Variants in C12orf60 observed in about 807,000 individuals in gnomAD.
The protein encoded by C12orf60 is uncharacterized protein C12orf60.
For missense variants in C12orf60, 284 were observed against 283.2 expected (o/e 1.00, Z -0.02); for synonymous variants, 102 against 94.6 (o/e 1.08, Z -0.45).
At chr12:14,820,354 C>A (rs763523558) in intron 1 of C12orf60, among the ~76,000 whole-genome samples, 35 of 151,782 alleles carry the variant, frequency 2.3e-4, no homozygotes, top group Middle Eastern at 3.4e-3. Flanking sequence ...TCACTGATTT[C>A]TACTCTTTAT....
At position 14,822,947 on chromosome 12, in the gene C12orf60, G is replaced by T; in HGVS notation, c.12G>T (p.Glu4Asp). The T allele has an allele frequency of 6.3e-7, 1 of 1,575,068 alleles. No individual in the cohort carries two copies. Among genetic ancestry groups the T allele is most frequent in the Non-Finnish European group, 8.6e-7 (1 of 1,158,292 alleles). ...TATTTGTTGGAGAAATGTCTTCAGA[G>T]TCAGAAAAGGATAAAGAGAGACTGA... MSSESEKDKERLIQ... is the reference protein window; with the variant it reads MSSDSEKDKERLIQ... The change falls in exon 2 of 2, where the codon GAG becomes GAT. Residue 4 changes from glutamate to aspartate, a missense_variant. By Grantham distance (45) the Glu-to-Asp change is conservative (BLOSUM62 2). Transcript: ENST00000330828.
chr12:14,807,570 G>A (rs1950072898), intron 1 of C12orf60, among the ~76,000 whole-genome samples: 1 of 152,156 alleles, frequency 6.6e-6, no homozygotes, highest in Non-Finnish European at 1.5e-5. Flanking sequence ...CTACAGGCAA[G>A]TTATTTGTTT....
Position 14,823,695 on chromosome 12 carries a change from T to A in C12orf60, c.*22T>A. ...GTAGGGATGCAACAGAAATGTTCAT[T>A]TCTGTCAGAAAACTACTTAAAATCT... On this transcript the variant is annotated 3_prime_UTR_variant, in exon 2 of 2. Coordinates refer to ENST00000330828, the MANE Select transcript of C12orf60 (RefSeq NM_175874.4). 1.3e-6 allele frequency: 2 copies of A among 1,516,702 alleles called. No homozygotes were observed. Among genetic ancestry groups the A allele is most frequent in the Non-Finnish European group, 1.8e-6 (2 of 1,137,174 alleles). 94.0% of individuals were successfully genotyped at this position (1,516,702 alleles called of 1,614,324 possible). A position where few individuals can be genotyped will look rare whatever the true frequency, so the allele number is the denominator to read the frequency against.
chr12:14,807,117 C>T (rs1246335500), intron 1 of C12orf60, among the ~76,000 whole-genome samples: 1 of 152,214 alleles, frequency 6.6e-6, no homozygotes, highest in Non-Finnish European at 1.5e-5. Flanking sequence ...CAGGCGTGAG[C>T]CACTGTGCCC....
chr12:14,803,743 G>A lies in C12orf60; in HGVS notation c.-33G>A, dbSNP rs971499519. 1.6e-5 allele frequency: 6 copies of A among 367,168 alleles called. No individual in the cohort carries two copies. Among genetic ancestry groups the A allele is most frequent in the Non-Finnish European group, 2.4e-5 (5 of 206,790 alleles). The allele number at this position is 367,168 out of a possible 1,614,324, so 22.7% of individuals were successfully genotyped here. A position where few individuals can be genotyped will look rare whatever the true frequency, so the allele number is the denominator to read the frequency against. On this transcript the variant is annotated 5_prime_UTR_variant, in exon 1 of 2. Transcript: ENST00000330828. ...TTGGAGGCATCTTGACTTAGTTGCT[G>A]GGAGCCTGGTACGTTGAGCCGTCCG... is the stretch of plus-strand genomic sequence containing the variant.
chr12:14,806,230 C>T, intron 1 of C12orf60: 1 of 1,614,200 alleles, frequency 6.2e-7, no homozygotes, highest in Non-Finnish European at 8.5e-7. Context: ...TGAGCTAACA[C>T]AGTGACCAAC....
intron 1 of C12orf60, among the ~76,000 whole-genome samples, chr12:14,809,993 C>T (rs753519722): frequency 6.6e-6 from 1 of 152,210 alleles, no homozygotes; most frequent in Admixed American, 6.5e-5. Flanking sequence ...TAGTCTTGCT[C>T]TTGCACTTGC....
At chr12:14,822,764 G>A (rs1950325670) in intron 1 of C12orf60, 148 bp from the exon 2 acceptor site, 3 of 599,856 alleles carry the variant, frequency 5.0e-6, no homozygotes, top group Admixed American at 7.2e-5. Context: ...TTTTATTGAA[G>A]CATAGTACCA....
intron 1 of C12orf60, among the ~76,000 whole-genome samples, chr12:14,809,434 A>G (rs1225229948): frequency 6.6e-6 from 1 of 152,192 alleles, no homozygotes; most frequent in Non-Finnish European, 1.5e-5. Context: ...AATAGTAAAC[A>G]GTATGGTACA....
intron 1 of C12orf60, chr12:14,806,040 G>A: frequency 1.1e-5 from 18 of 1,614,080 alleles, no homozygotes; most frequent in Non-Finnish European, 1.5e-5. Context: ...GATGACCTCA[G>A]TAATGGCATG....
At chr12:14,814,970 A>G (rs867175565) in intron 1 of C12orf60, among the ~76,000 whole-genome samples, 1 of 152,222 alleles carries the variant, frequency 6.6e-6, no homozygotes, top group African/African-American at 2.4e-5. Context: ...GAGTTTTCCC[A>G]TTGGTGTAAT....
chr12:14,818,830 T>C (rs952756478), intron 1 of C12orf60, among the ~76,000 whole-genome samples: 1 of 152,188 alleles, frequency 6.6e-6, no homozygotes, highest in Non-Finnish European at 1.5e-5. Context: ...GTGGGTCTTT[T>C]TCTAGACTTC....
rs764421551 is a variant in C12orf60 at position 14,806,478 on chromosome 12, A to G, written c.-25+2727A>G. On this transcript the variant is annotated intron_variant, in intron 1 of 1. Transcript: ENST00000330828. Reference sequence around the variant, plus strand: ...GATTTTCATAATGGCTTGGATGATGAGGTCACAGTTTTCTTTGATGGTCCC... The same window carrying G: ...GATTTTCATAATGGCTTGGATGATGGGGTCACAGTTTTCTTTGATGGTCCC... 3.7e-6 allele frequency: 6 copies of G among 1,614,106 alleles called. No individual in the cohort carries two copies. The Admixed American group carries it at 1.0e-4, about 27-fold the overall frequency.
In C12orf60 at chr12:14,822,970, T is replaced by C. The variant is rs779476748; in HGVS notation, c.35T>C (p.Leu12Pro). 93 of 1,602,552 alleles carry C rather than the reference T, an allele frequency of 5.8e-5. No homozygotes were observed. The highest frequency in any genetic ancestry group is 1.2e-4 in the Admixed American group (7 of 59,186). Residue 12 changes from leucine (L) to proline (P), a missense_variant, in exon 2 of 2, where the codon CTG becomes CCG. Leu to Pro is a moderately conservative substitution (Grantham distance 98). Transcript: ENST00000330828. ...GAGTCAGAAAAGGATAAAGAGAGAC[T>C]GATTCAAGCTGCCAAAATGTTCTTC... ...SSESEKDKER[L>P]IQAAKMFFFH...
chr12:14,823,150 C>CA lies in C12orf60; in HGVS notation c.215_216insA (p.Val73CysfsTer7). 6.2e-7 allele frequency: 1 copy of CA among 1,614,082 alleles called. No homozygotes were observed. The highest frequency in any genetic ancestry group is 8.5e-7 in the Non-Finnish European group (1 of 1,180,018). On this transcript the variant is annotated frameshift_variant, in exon 2 of 2. Transcript: ENST00000330828. LOFTEE classifies it low-confidence loss of function (END_TRUNC). ...CTCAAAATTTTTAAGGAGATGCAAT[C>CA]TGTAGTGGATGCAAGACATGACAAA... is the stretch of plus-strand genomic sequence containing the variant.
intron 1 of C12orf60, among the ~76,000 whole-genome samples, chr12:14,820,466 A>G (rs1437690342): frequency 6.6e-6 from 1 of 151,982 alleles, no homozygotes; most frequent in African/African-American, 2.4e-5. Flanking sequence ...TCTAATATAA[A>G]CACTTAATCT....
At chr12:14,822,014 T>G (rs1225217958) in intron 1 of C12orf60, among the ~76,000 whole-genome samples, 55 of 10,328 alleles carry the variant, frequency 5.3e-3, no homozygotes, top group Admixed American at 0.01. Context: ...GGGGGTGGGG[T>G]GGGGAGTAGG....
intron 1 of C12orf60, among the ~76,000 whole-genome samples, chr12:14,820,739 T>C (rs1291398631): frequency 6.6e-6 from 1 of 152,116 alleles, no homozygotes; most frequent in Non-Finnish European, 1.5e-5. Context: ...ATTGGAATTG[T>C]GTTGTATTTA....
At chr12:14,815,171 G>A (rs1950196782) in intron 1 of C12orf60, among the ~76,000 whole-genome samples, 1 of 152,130 alleles carries the variant, frequency 6.6e-6, no homozygotes, top group Non-Finnish European at 1.5e-5. Flanking sequence ...CAGGCAGACA[G>A]GAAACTTTAA....
Sources: gnomAD v4.1 joint callset for allele counts (sites outside exome capture counted in the v4.1 genomes callset) on GRCh38, gnomAD v4.1.1 for gene constraint, MANE v1.5 for transcripts, NCBI Gene and HGNC (gene_info 2026-07-23, HGNC 2026-07-21) for gene names.